Variants in MINDY3 observed in about 807,000 individuals in gnomAD.
MINDY3 encodes the protein ubiquitin carboxyl-terminal hydrolase MINDY-3.
Under a neutral mutation model 69.2 loss-of-function variants are expected in MINDY3, and 38 were observed. The observed-to-expected ratio is 0.55, with a 90% confidence interval of 0.42 to 0.72. MINDY3 has a LOEUF of 0.72. Ranked by LOEUF, MINDY3 falls within the 30% of genes least tolerant of loss-of-function variation. The pLI, the probability that MINDY3 is intolerant of heterozygous loss-of-function variation, is 0.00. For missense variants in MINDY3, 522 were observed against 519.0 expected (o/e 1.01, Z -0.06); for synonymous variants, 192 against 180.1 (o/e 1.07, Z -0.53).
intron 1 of MINDY3, among the ~76,000 whole-genome samples, chr10:15,859,958 C>T (rs1321906829): frequency 6.6e-6 from 1 of 152,244 alleles, no homozygotes; most frequent in Non-Finnish European, 1.5e-5. Flanking sequence ...TCCTCCCCAG[C>T]CGAAGGGCAG....
At chr10:15,827,458 T>C (rs1434394894) in intron 8 of MINDY3, among the ~76,000 whole-genome samples, 1 of 151,738 alleles carries the variant, frequency 6.6e-6, no homozygotes, top group African/African-American at 2.4e-5. Context: ...GGAGAATTGC[T>C]TGAACCCGGG....
intron 11 of MINDY3, among the ~76,000 whole-genome samples, chr10:15,792,883 CTG>C (rs1048508654): frequency 1.6e-4 from 25 of 152,060 alleles, no homozygotes; most frequent in African/African-American, 5.8e-4. Context: ...GGAATAAGCT[CTG>C]TGCCACACAT....
At chr10:15,830,402 C>T (rs182744313) in intron 8 of MINDY3, among the ~76,000 whole-genome samples, 2 of 152,358 alleles carry the variant, frequency 1.3e-5, no homozygotes, top group African/African-American at 4.8e-5. Context: ...GAAAGAGGCA[C>T]TGAGTGAAGC....
chr10:15,793,021 G>A (rs1837537912), intron 11 of MINDY3, among the ~76,000 whole-genome samples: 1 of 152,130 alleles, frequency 6.6e-6, no homozygotes, highest in Non-Finnish European at 1.5e-5. Flanking sequence ...CAGCTAGTGA[G>A]GCGTAACGGA....
chr10:15,782,416 G>T, intron 13 of MINDY3, 190 bp from the exon 14 acceptor site: 2 of 517,278 alleles, frequency 3.9e-6, no homozygotes, highest in Non-Finnish European at 6.7e-6. Flanking sequence ...TGTTGCCTCT[G>T]AAGAAGATGC....
rs187075074 is a variant in MINDY3, at chr10:15,797,072, G to C, written c.883-900C>G. Among the ~76,000 whole-genome samples the C allele has an allele frequency of 6.6e-5, 10 of 152,118 alleles. No individual in the cohort carries two copies. The East Asian group carries it at 1.7e-3, about 27-fold the overall frequency. Reference sequence around the variant, plus strand: ...GGGTACAAATGTTAACATCTAAACTGCTGTTCCCCTGTGAACACAATTTTT... The same window carrying C: ...GGGTACAAATGTTAACATCTAAACTCCTGTTCCCCTGTGAACACAATTTTT... On this transcript the variant is annotated intron_variant, in intron 10 of 14. Transcript: ENST00000277632.
chr10:15,837,606 A>G, intron 5 of MINDY3: 1 of 1,322,650 alleles, frequency 7.6e-7, no homozygotes, highest in Non-Finnish European at 9.9e-7. Context: ...TCAATAATAT[A>G]CAGTTATTTA....
Position 15,799,352 on chromosome 10 carries a change from C to T in MINDY3, c.883-3180G>A, listed in dbSNP as rs950757958. Among the ~76,000 whole-genome samples the T allele has an allele frequency of 2.0e-5, 3 of 152,062 alleles. No individual in the cohort carries two copies. In the East Asian group the frequency reaches 5.8e-4, roughly 29 times the overall value. On this transcript the variant is annotated intron_variant, in intron 10 of 14. Coordinates refer to ENST00000277632, the MANE Select transcript of MINDY3 (RefSeq NM_024948.4). Reference sequence around the variant, plus strand: ...TAGCTGGGATTACAGGCATCCACCACCATGCCCGGCTAATTTTTGTATTTT... The same window carrying T: ...TAGCTGGGATTACAGGCATCCACCATCATGCCCGGCTAATTTTTGTATTTT...
intron 3 of MINDY3, among the ~76,000 whole-genome samples, chr10:15,842,771 A>T (rs562433629): frequency 6.6e-6 from 1 of 152,034 alleles, no homozygotes; most frequent in African/African-American, 2.4e-5. Flanking sequence ...CTCATGTTAC[A>T]GAAGCTATGA....
intron 6 of MINDY3, among the ~76,000 whole-genome samples, chr10:15,836,543 T>C (rs914390857): frequency 6.6e-6 from 1 of 151,934 alleles, no homozygotes; most frequent in Non-Finnish European, 1.5e-5. Flanking sequence ...TCAGACATGA[T>C]AGATCTAATA....
intron 10 of MINDY3, among the ~76,000 whole-genome samples, chr10:15,812,796 C>T (rs545949550): frequency 6.6e-6 from 1 of 152,320 alleles, no homozygotes; most frequent in South Asian, 2.1e-4. Context: ...CATTCAACAA[C>T]AGCAAAGCTG....
intron 4 of MINDY3, among the ~76,000 whole-genome samples, chr10:15,838,802 C>T (rs1021234939): frequency 6.6e-6 from 1 of 151,654 alleles, no homozygotes; most frequent in African/African-American, 2.4e-5. Context: ...AAAAAGTTTT[C>T]AGTAACTTAT....
chr10:15,837,833 T>C (rs1001836030), intron 5 of MINDY3: 1 of 971,472 alleles, frequency 1.0e-6, no homozygotes, highest in African/African-American at 1.8e-5. Flanking sequence ...AAAGTTTAAA[T>C]GCTCTAACAA....
chr10:15,779,604 A>G (rs1423396500), intron 14 of MINDY3, among the ~76,000 whole-genome samples: 1 of 152,200 alleles, frequency 6.6e-6, no homozygotes, highest in Non-Finnish European at 1.5e-5. Context: ...TCTCCTTCTA[A>G]TTTAAGTATT....
Position 15,821,639 on chromosome 10 carries a change from C to T in MINDY3, c.801+17G>A, listed in dbSNP as rs754095148. 10 of 1,585,914 alleles carry T rather than the reference C, an allele frequency of 6.3e-6. No homozygotes were observed. The highest frequency in any genetic ancestry group is 8.6e-6 in the Non-Finnish European group (10 of 1,162,618). ...TCTAAACAAAAAACATTCAAAGTAC[C>T]TTAAAAATCAATTTACCTTACAGTA... On this transcript the variant is annotated intron_variant, in intron 9 of 14. Coordinates refer to ENST00000277632, the MANE Select transcript of MINDY3 (RefSeq NM_024948.4).
In MINDY3 at chr10:15,833,723, T is replaced by C; in HGVS notation, c.651-14A>G. 3 of 1,538,790 alleles carry C rather than the reference T, an allele frequency of 1.9e-6. No homozygotes were observed. Among genetic ancestry groups the C allele is most frequent in the Non-Finnish European group, 2.7e-6 (3 of 1,112,696 alleles). ...ATTAAACTTTGGCTATTAATAAATA[T>C]TAAAAAGCAATTAAATATGAATATA... On this transcript the variant is annotated splice_polypyrimidine_tract_variant and intron_variant, in intron 7 of 14. Coordinates refer to ENST00000277632, the MANE Select transcript of MINDY3 (RefSeq NM_024948.4).
intron 11 of MINDY3, among the ~76,000 whole-genome samples, chr10:15,794,001 T>C (rs1837620226): frequency 6.6e-6 from 1 of 152,106 alleles, no homozygotes; most frequent in Non-Finnish European, 1.5e-5. Context: ...ATTAGGAATA[T>C]ACCCACAGCA....
At chr10:15,823,748 G>A (rs542138879) in intron 8 of MINDY3, among the ~76,000 whole-genome samples, 4 of 152,184 alleles carry the variant, frequency 2.6e-5, no homozygotes, top group African/African-American at 7.2e-5. Context: ...TTTACTCCAT[G>A]TTACAGTATG....
At chr10:15,835,677 C>A (rs115023577) in intron 6 of MINDY3, among the ~76,000 whole-genome samples, 2,289 of 152,122 alleles carry the variant, frequency 0.015, 46 homozygotes, top group African/African-American at 0.049. Context: ...TTGGAGAATA[C>A]TGAACAGTCA....
Sources: gnomAD v4.1 joint callset for allele counts (sites outside exome capture counted in the v4.1 genomes callset) on GRCh38, gnomAD v4.1.1 for gene constraint, MANE v1.5 for transcripts, NCBI Gene and HGNC (gene_info 2026-07-23, HGNC 2026-07-21) for gene names.